TRABD2B: variants seen among roughly 807,000 people sequenced by gnomAD.
The protein encoded by TRABD2B is metalloprotease TIKI2.
TRABD2B carries 14 observed loss-of-function variants against 40.1 expected under a neutral mutation model. The ratio of observed to expected loss-of-function variants is 0.35; its 90% CI spans 0.23 to 0.55. The LOEUF is 0.55. Ranked by LOEUF, TRABD2B falls within the 20% of genes least tolerant of loss-of-function variation. The pLI, the probability that TRABD2B is intolerant of heterozygous loss-of-function variation, is 0.90. For synonymous variants in TRABD2B, 263 were observed against 277.0 expected (o/e 0.95, Z 0.50); for missense variants, 541 against 648.6 (o/e 0.83, Z 1.80).
At chr1:47,940,827 G>A (rs1557669557) in intron 2 of TRABD2B, among the ~76,000 whole-genome samples, 1 of 152,220 alleles carries the variant, frequency 6.6e-6, no homozygotes, top group Non-Finnish European at 1.5e-5. Context: ...GGGGAATCTC[G>A]AGAGCATGGC....
chr1:47,766,855 T>C (rs1644311296), intron 6 of TRABD2B, among the ~76,000 whole-genome samples: 1 of 152,108 alleles, frequency 6.6e-6, no homozygotes, highest in East Asian at 1.9e-4. Context: ...AAAAACAGAA[T>C]CTAGTTTTGG....
At chr1:47,817,817 A>G (rs1486035830) in intron 2 of TRABD2B, among the ~76,000 whole-genome samples, 1 of 152,210 alleles carries the variant, frequency 6.6e-6, no homozygotes, top group Non-Finnish European at 1.5e-5. Context: ...GAAGCTGTCC[A>G]GAGCCGCTCT....
intron 2 of TRABD2B, among the ~76,000 whole-genome samples, chr1:47,907,744 A>C (rs2124695573): frequency 6.6e-6 from 1 of 152,312 alleles, no homozygotes; most frequent in South Asian, 2.1e-4. Context: ...CTAGAAGTCA[A>C]ATTGGTAGGA....
chr1:47,871,443 C>T (rs79833467), intron 2 of TRABD2B, among the ~76,000 whole-genome samples: 3,599 of 150,876 alleles, frequency 0.024, 116 homozygotes, highest in Admixed American at 0.096. Context: ...ACAAACCAGC[C>T]CCCACAGCCA....
At chr1:47,793,037 A>G (rs1454068871) in intron 4 of TRABD2B, among the ~76,000 whole-genome samples, 1 of 152,038 alleles carries the variant, frequency 6.6e-6, no homozygotes, top group African/African-American at 2.4e-5. Context: ...ACTCACACCG[A>G]GCTCCCAGCA....
chr1:47,854,562 G>C (rs543668373), intron 2 of TRABD2B, among the ~76,000 whole-genome samples: 1 of 146,614 alleles, frequency 6.8e-6, no homozygotes, highest in African/African-American at 2.5e-5. Flanking sequence ...GATGGTGAGG[G>C]TCTCAAAACA....
At chr1:47,804,486 C>T (rs1458990425) in intron 2 of TRABD2B, among the ~76,000 whole-genome samples, 9 of 152,316 alleles carry the variant, frequency 5.9e-5, no homozygotes, top group Middle Eastern at 3.4e-3. Flanking sequence ...CCTTGTTTCT[C>T]GGCGTCGGCT....
chr1:47,787,084 C>T (rs1433863933), intron 4 of TRABD2B, among the ~76,000 whole-genome samples: 1 of 152,180 alleles, frequency 6.6e-6, no homozygotes, highest in African/African-American at 2.4e-5. Flanking sequence ...CTCTGAAGGG[C>T]TGCCATTCTG....
intron 2 of TRABD2B, among the ~76,000 whole-genome samples, chr1:47,815,217 G>T (rs553207491): frequency 6.6e-6 from 1 of 152,348 alleles, no homozygotes; most frequent in East Asian, 1.9e-4. Context: ...CTTGGGAAAA[G>T]AACACAGAGA....
intron 4 of TRABD2B, among the ~76,000 whole-genome samples, chr1:47,780,800 T>C (rs747312768): frequency 6.6e-6 from 1 of 152,176 alleles, no homozygotes; most frequent in African/African-American, 2.4e-5. Flanking sequence ...AGCACAGGCA[T>C]GAACAGGCCC....
chr1:47,858,758 T>C (rs914027950), intron 2 of TRABD2B, among the ~76,000 whole-genome samples: 2 of 152,226 alleles, frequency 1.3e-5, no homozygotes, highest in African/African-American at 4.8e-5. Context: ...GCAGCCAGTG[T>C]TGCTGTCTCT....
At chr1:47,856,931 T>C (rs1037147241) in intron 2 of TRABD2B, among the ~76,000 whole-genome samples, 2 of 152,234 alleles carry the variant, frequency 1.3e-5, no homozygotes, top group Admixed American at 6.5e-5. Context: ...CAGCCATTGA[T>C]GTGCAGGAGA....
At chr1:47,912,022 G>A (rs1431514763) in intron 2 of TRABD2B, among the ~76,000 whole-genome samples, 1 of 152,124 alleles carries the variant, frequency 6.6e-6, no homozygotes, top group Admixed American at 6.5e-5. Context: ...AAAGCAGTTG[G>A]GATGGATGTG....
At chr1:47,989,169 T>C (rs2148456360) in intron 2 of TRABD2B, among the ~76,000 whole-genome samples, 1 of 152,348 alleles carries the variant, frequency 6.6e-6, no homozygotes, top group South Asian at 2.1e-4. Context: ...CCTCCAGAAC[T>C]GTGAGCCATA....
intron 2 of TRABD2B, among the ~76,000 whole-genome samples, chr1:47,930,489 T>C (rs1243872549): frequency 1.3e-5 from 2 of 151,676 alleles, no homozygotes; most frequent in Non-Finnish European, 2.9e-5. Flanking sequence ...GAGCTACGAG[T>C]CCGCGATAGT....
chr1:47,989,749 A>AACACAC (rs141660023), intron 2 of TRABD2B, among the ~76,000 whole-genome samples: 2,815 of 149,096 alleles, frequency 0.019, 77 homozygotes, highest in African/African-American at 0.058. Context: ...CCACCATTCC[A>AACACAC]ACACACACAC....
In TRABD2B at chr1:47,775,233, T is replaced by G; in HGVS notation, c.1286A>C (p.Lys429Thr). Reference sequence around the variant, plus strand: ...CGGCCGCTGGTGTGTGCTCTGCCTCTTGTGCCACTTCCTCTGCCGGCCAAA... The same window carrying G: ...CGGCCGCTGGTGTGTGCTCTGCCTCGTGTGCCACTTCCTCTGCCGGCCAAA... ...EEFGRQRKWH[K>T]RQSTHQRPRQ... is the part of the protein sequence containing the mutation. Residue 429 changes from lysine to threonine, a missense_variant, in exon 6 of 7, where the codon AAG (lysine) becomes ACG (threonine). Around this residue, in one of 2 missense-constraint regions of TRABD2B, gnomAD observed 172 missense variants for 155.8 expected, o/e 1.10. Coordinates refer to ENST00000606738, the MANE Select transcript of TRABD2B (RefSeq NM_001194986.2). The G allele has an allele frequency of 8.0e-7, 1 of 1,251,410 alleles. No homozygotes were observed. Among genetic ancestry groups the G allele is most frequent in the Non-Finnish European group, 1.0e-6 (1 of 996,460 alleles). The allele number at this position is 1,251,410 out of a possible 1,614,324, so 77.5% of individuals were successfully genotyped here. A position where few individuals can be genotyped will look rare whatever the true frequency, so the allele number is the denominator to read the frequency against.
chr1:47,878,814 G>A (rs1644260379), intron 2 of TRABD2B, among the ~76,000 whole-genome samples: 1 of 152,132 alleles, frequency 6.6e-6, no homozygotes, highest in Non-Finnish European at 1.5e-5. Context: ...ATAAGGTTAT[G>A]GGCCAGGCAC....
intron 2 of TRABD2B, among the ~76,000 whole-genome samples, chr1:47,976,322 T>C (rs1031821060): frequency 1.3e-5 from 2 of 152,156 alleles, no homozygotes; most frequent in African/African-American, 2.4e-5. Context: ...CAAAATGACA[T>C]TTCCTCCACT....
Sources: allele counts gnomAD v4.1 joint callset (sites outside exome capture counted in the v4.1 genomes callset), GRCh38; gene constraint gnomAD v4.1.1; regional missense constraint gnomAD v4.1.1; transcripts MANE v1.5; gene names NCBI Gene and HGNC (gene_info 2026-07-23, HGNC 2026-07-21).